The following SLC7A1 variants were observed in gnomAD, a reference collection of about 807,000 sequenced individuals.
SLC7A1 encodes the protein high affinity cationic amino acid transporter 1.
SLC7A1 carries 10 observed loss-of-function variants against 53.9 expected under a neutral mutation model. The observed-to-expected ratio is 0.19, with a 90% CI of 0.11 to 0.31. The LOEUF (loss-of-function observed/expected upper bound fraction) is 0.31, where lower values mean the gene tolerates loss of function less well. SLC7A1 is among the 10% of genes least tolerant of loss of function. SLC7A1 has a pLI of 1.00. For synonymous variants in SLC7A1, 342 were observed against 338.7 expected (o/e 1.01, Z -0.11); for missense variants, 525 against 827.2 (o/e 0.63, Z 4.48).
At chr13:29,522,244 G>A (rs747261609) in intron 8 of SLC7A1, 73 bp downstream of exon 8, 54 of 1,483,236 alleles carry the variant, frequency 3.6e-5, no homozygotes, top group Admixed American at 6.7e-5. Flanking sequence ...CCAGAACTGC[G>A]CAAGACGTCT....
rs1868731696 is a variant in SLC7A1 at position 29,523,507 on chromosome 13, A to T, written c.827-19T>A. ...TCTTCACCTAGAAGCACAAGGGGTC[A>T]GCGGAGGAGGGCACACAGCAAGAGG... On this transcript the variant is annotated intron_variant, in intron 6 of 12. Transcript: ENST00000380752. 6.3e-7 allele frequency: 1 copy of T among 1,579,212 alleles called. No individual in the cohort carries two copies. The highest frequency in any genetic ancestry group is 1.7e-5 in the Admixed American group (1 of 59,784).
At chr13:29,572,382 G>A (rs954707990) in intron 1 of SLC7A1, among the ~76,000 whole-genome samples, 1 of 152,234 alleles carries the variant, frequency 6.6e-6, no homozygotes. Flanking sequence ...AGGTGCCAGT[G>A]TAATTTAACA....
chr13:29,581,719 G>C (rs925495137), intron 1 of SLC7A1, among the ~76,000 whole-genome samples: 2 of 152,128 alleles, frequency 1.3e-5, no homozygotes, highest in Non-Finnish European at 2.9e-5. Context: ...CCCCAAGACA[G>C]GTTCATCTCC....
rs374758005 is a variant in SLC7A1, at chr13:29,560,290, G to T, written c.-114-6430C>A. Reference sequence around the variant, plus strand: ...GGTCTTCAGGGGCAGGAACACACAAGGAGCTGTGATCTCCTGTGATAACAA... The same window carrying T: ...GGTCTTCAGGGGCAGGAACACACAATGAGCTGTGATCTCCTGTGATAACAA... On this transcript the variant is annotated intron_variant, in intron 1 of 12. Transcript: ENST00000380752. Among the ~76,000 whole-genome samples the T allele has an allele frequency of 4.6e-5, 7 of 151,934 alleles. No individual in the cohort carries two copies. In the East Asian group the frequency reaches 1.2e-3, roughly 25 times the overall value.
At chr13:29,522,579 C>G (rs766050659) in intron 7 of SLC7A1, 123 bp from the exon 8 acceptor site, 1 of 999,228 alleles carries the variant, frequency 1.0e-6, no homozygotes, top group Non-Finnish European at 1.5e-6. Context: ...AGCTGCCGTC[C>G]CTCCACGCTG....
intron 3 of SLC7A1, 89 bp from the exon 4 acceptor site, chr13:29,533,071 CAGG>C (rs1464544904): frequency 7.7e-7 from 1 of 1,303,970 alleles, no homozygotes; most frequent in Non-Finnish European, 1.0e-6. Context: ...AACATCATTG[CAGG>C]AGTCACCGAC....
intron 1 of SLC7A1, among the ~76,000 whole-genome samples, chr13:29,588,515 T>TC (rs1871981692): frequency 1.3e-5 from 2 of 151,298 alleles, no homozygotes; most frequent in Non-Finnish European, 3.0e-5. Context: ...TTTCTTTTTT[T>TC]TTTTTTGAGA....
intron 1 of SLC7A1, among the ~76,000 whole-genome samples, chr13:29,564,757 G>T (rs1398003660): frequency 6.6e-6 from 1 of 152,158 alleles, no homozygotes; most frequent in African/African-American, 2.4e-5. Flanking sequence ...TCAATATCCT[G>T]CCTTCTCCAA....
intron 1 of SLC7A1, among the ~76,000 whole-genome samples, chr13:29,579,050 C>T (rs1025990293): frequency 1.3e-5 from 2 of 152,222 alleles, no homozygotes; most frequent in East Asian, 3.8e-4. Flanking sequence ...GCAGACAGCT[C>T]TCTCTAGATA....
At chr13:29,555,160 C>A (rs924413534) in intron 1 of SLC7A1, among the ~76,000 whole-genome samples, 11 of 150,496 alleles carry the variant, frequency 7.3e-5, no homozygotes, top group African/African-American at 9.8e-5. Flanking sequence ...AGATCGAGAC[C>A]ATCCCGGCTA....
At chr13:29,565,140 C>T (rs9578108) in intron 1 of SLC7A1, among the ~76,000 whole-genome samples, 1 of 152,178 alleles carries the variant, frequency 6.6e-6, no homozygotes, top group Non-Finnish European at 1.5e-5. Flanking sequence ...GCTAACTGGG[C>T]AGACTGTGGC....
At chr13:29,516,315 T>A in intron 11 of SLC7A1, 69 bp from the exon 12 acceptor site, 1 of 995,942 alleles carries the variant, frequency 1.0e-6, no homozygotes, top group Non-Finnish European at 1.6e-6. Flanking sequence ...TAAAACTGTC[T>A]AGTAAAGGCA....
At chr13:29,560,122 A>G (rs756766765) in intron 1 of SLC7A1, among the ~76,000 whole-genome samples, 2 of 151,552 alleles carry the variant, frequency 1.3e-5, no homozygotes, top group Admixed American at 6.6e-5. Context: ...AGCTTTTTCT[A>G]TTTTGAATTT....
chr13:29,570,585 C>T (rs1380950524), intron 1 of SLC7A1, among the ~76,000 whole-genome samples: 1 of 152,142 alleles, frequency 6.6e-6, no homozygotes, highest in Non-Finnish European at 1.5e-5. Flanking sequence ...CGGTGGCTCA[C>T]GTCTATAATC....
chr13:29,560,173 C>G (rs2139149883), intron 1 of SLC7A1, among the ~76,000 whole-genome samples: 1 of 151,488 alleles, frequency 6.6e-6, no homozygotes, highest in South Asian at 2.1e-4. Flanking sequence ...TCTTAAAAAC[C>G]AAGATGCAGA....
chr13:29,573,784 C>G (rs1871297115), intron 1 of SLC7A1, among the ~76,000 whole-genome samples: 2 of 152,266 alleles, frequency 1.3e-5, no homozygotes, highest in South Asian at 4.1e-4. Context: ...ATTTATAATT[C>G]AAATTTAACT....
intron 1 of SLC7A1, among the ~76,000 whole-genome samples, chr13:29,568,024 G>A (rs1202714190): frequency 2.0e-5 from 3 of 152,158 alleles, no homozygotes; most frequent in Non-Finnish European, 4.4e-5. Flanking sequence ...CCTGGCACCT[G>A]CCAGTCAGGA....
intron 1 of SLC7A1, among the ~76,000 whole-genome samples, chr13:29,581,042 T>G (rs907965775): frequency 1.3e-5 from 2 of 152,162 alleles, no homozygotes; most frequent in African/African-American, 4.8e-5. Flanking sequence ...AAAATGTAAA[T>G]GACATGTTTC....
chr13:29,516,777 T>C (rs1883570599), intron 11 of SLC7A1: 1 of 193,366 alleles, frequency 5.2e-6, no homozygotes, highest in Non-Finnish European at 1.0e-5. Context: ...CTTGATACTG[T>C]CTGGGGAAGA....
Sources: gnomAD v4.1 joint callset for allele counts (sites outside exome capture counted in the v4.1 genomes callset) on GRCh38, gnomAD v4.1.1 for gene constraint, MANE v1.5 for transcripts, NCBI Gene and HGNC (gene_info 2026-07-23, HGNC 2026-07-21) for gene names.